Variants in SEC14L5 observed in about 807,000 individuals in gnomAD.
SEC14L5 encodes the protein SEC14 like lipid binding 5.
SEC14L5 carries 96 observed loss-of-function variants against 84.6 expected under a neutral mutation model. That is an observed-to-expected ratio of 1.13 (90% confidence interval 0.96 to 1.34). The LOEUF (loss-of-function observed/expected upper bound fraction) is 1.34, where lower values mean the gene tolerates loss of function less well. Among genes scored for constraint, SEC14L5 ranks in the 40% most tolerant of loss-of-function variants. SEC14L5 has a pLI of 0.00. For missense variants in SEC14L5, 1,224 were observed against 942.5 expected, an observed-to-expected ratio of 1.30 and a Z score of -3.91; for synonymous variants, 546 against 383.4, an observed-to-expected ratio of 1.42 and a Z score of -4.95.
chr16:4,971,674 C>G (rs150264005), intron 2 of SEC14L5, among the ~76,000 whole-genome samples: 4 of 152,296 alleles, frequency 2.6e-5, no homozygotes, highest in African/African-American at 7.2e-5. Flanking sequence ...CTGCTGATGT[C>G]CCCTGGGAGT....
intron 10 of SEC14L5, among the ~76,000 whole-genome samples, chr16:5,001,387 T>C (rs2142519855): frequency 6.6e-6 from 1 of 151,500 alleles, no homozygotes; most frequent in Middle Eastern, 3.4e-3. Context: ...GCCTCCAGAG[T>C]AGCTGGGACT....
chr16:5,006,259 G>A (rs1307984751), intron 12 of SEC14L5, among the ~76,000 whole-genome samples: 1 of 152,218 alleles, frequency 6.6e-6, no homozygotes, highest in Non-Finnish European at 1.5e-5. Context: ...CTGAGGTTGG[G>A]CCTTACTCTG....
Position 5,003,567 on chromosome 16 carries a change from G to C in SEC14L5, c.1296G>C (p.Trp432Cys). ...VRAPRVFPVL[W>C]TLISPFINEN... is the part of the protein sequence containing the mutation. ...CCCCCCGAGTCTTCCCCGTGCTCTG[G>C]ACACTGGTAAGAGCTGGAGCCTGGG... Residue 432 changes from tryptophan (W) to cysteine (C), a missense_variant, in exon 11 of 16, where the codon TGG becomes TGC. Transcript: ENST00000251170. 7.5e-7 allele frequency: 1 copy of C among 1,331,368 alleles called. No individual in the cohort carries two copies. Among genetic ancestry groups the C allele is most frequent in the South Asian group, 1.2e-5 (1 of 86,144 alleles). 82.5% of individuals were successfully genotyped at this position (1,331,368 alleles called of 1,614,324 possible). A position where few individuals can be genotyped will look rare whatever the true frequency, so the allele number is the denominator to read the frequency against.
intron 10 of SEC14L5, among the ~76,000 whole-genome samples, chr16:5,001,827 C>T (rs1955681458): frequency 6.6e-6 from 1 of 152,040 alleles, no homozygotes; most frequent in Non-Finnish European, 1.5e-5. Context: ...AGCTGGAGTG[C>T]AGTGGTGCAA....
chr16:5,007,275 C>A, intron 12 of SEC14L5, 77 bp from the exon 13 acceptor site: 1 of 1,428,392 alleles, frequency 7.0e-7, no homozygotes. Context: ...TTGGGGGTCA[C>A]ACATCACCCT....
intron 9 of SEC14L5, 43 bp downstream of exon 9, chr16:5,000,786 G>T (rs760098206): frequency 4.5e-6 from 7 of 1,559,604 alleles, no homozygotes; most frequent in South Asian, 2.4e-5. Flanking sequence ...CCTGGGGCCG[G>T]GCCTGGGAAG....
intron 11 of SEC14L5, among the ~76,000 whole-genome samples, chr16:5,005,610 C>G (rs552782592): frequency 1.8e-4 from 27 of 151,898 alleles, no homozygotes; most frequent in Non-Finnish European, 3.1e-4. Context: ...ACCTGTAATC[C>G]CAGCACTTTG....
intron 10 of SEC14L5, among the ~76,000 whole-genome samples, chr16:5,001,415 C>T (rs959871935): frequency 4.6e-5 from 7 of 152,084 alleles, no homozygotes; most frequent in African/African-American, 4.8e-5. Flanking sequence ...CCCGCCACCA[C>T]GCCTGACTAA....
intron 6 of SEC14L5, among the ~76,000 whole-genome samples, chr16:4,995,658 A>C (rs1596633548): frequency 4.9e-5 from 6 of 123,598 alleles, no homozygotes; most frequent in Admixed American, 9.8e-5. Flanking sequence ...ACGGAGTCTC[A>C]CTCTGTTGCC....
chr16:5,003,339 G>A (rs1237220424), intron 10 of SEC14L5, 63 bp from the exon 11 acceptor site: 2 of 1,300,124 alleles, frequency 1.5e-6, no homozygotes, highest in East Asian at 2.3e-5. Context: ...CCCCTGTGGG[G>A]AGGGTGTTGG....
intron 8 of SEC14L5, among the ~76,000 whole-genome samples, chr16:4,999,092 T>C (rs1217529848): frequency 6.6e-6 from 1 of 152,210 alleles, no homozygotes; most frequent in African/African-American, 2.4e-5. Context: ...TGCCACATTG[T>C]TGCATTTTTG....
chr16:4,987,759 G>A (rs1240343541), intron 3 of SEC14L5, 53 bp downstream of exon 3: 3 of 1,354,290 alleles, frequency 2.2e-6, no homozygotes, highest in Middle Eastern at 2.6e-4. Context: ...GCGGAGGTGC[G>A]GGAGGGCTGG....
chr16:4,992,856 A>T (rs950053094), intron 6 of SEC14L5, among the ~76,000 whole-genome samples: 1 of 152,172 alleles, frequency 6.6e-6, no homozygotes, highest in Non-Finnish European at 1.5e-5. Flanking sequence ...CCACACACAT[A>T]TGTGTGTACA....
chr16:4,961,802 A>AC (rs1955123794), intron 2 of SEC14L5, among the ~76,000 whole-genome samples: 1 of 152,158 alleles, frequency 6.6e-6, no homozygotes, highest in African/African-American at 2.4e-5. Context: ...ATGGCAGAGA[A>AC]CCATGGGTCC....
chr16:4,967,562 G>GTTTTT (rs869061549), intron 2 of SEC14L5, among the ~76,000 whole-genome samples: 10 of 37,104 alleles, frequency 2.7e-4, no homozygotes, highest in Non-Finnish European at 3.8e-4. Flanking sequence ...TCTTTCTTTC[G>GTTTTT]TTTTTTTTTT....
At chr16:5,007,523 G>C (rs763362435) in intron 13 of SEC14L5, 37 bp downstream of exon 13, 3 of 1,604,754 alleles carry the variant, frequency 1.9e-6, no homozygotes, top group Middle Eastern at 1.8e-4. Context: ...CGCTGAGCTG[G>C]AGTGTCTGTC....
chr16:4,960,792 C>T (rs967099279), intron 2 of SEC14L5: 10 of 152,160 alleles, frequency 6.6e-5, no homozygotes, highest in African/African-American at 1.9e-4. Flanking sequence ...ACGGGGCTGA[C>T]GCAGATCAAA....
At chr16:4,986,477 G>T (rs1955488455) in intron 2 of SEC14L5, among the ~76,000 whole-genome samples, 1 of 152,154 alleles carries the variant, frequency 6.6e-6, no homozygotes, top group Admixed American at 6.5e-5. Context: ...GGAAATATGA[G>T]TTCTCCAATT....
intron 2 of SEC14L5, among the ~76,000 whole-genome samples, chr16:4,969,900 C>G (rs1474287717): frequency 6.6e-6 from 1 of 151,762 alleles, no homozygotes; most frequent in Non-Finnish European, 1.5e-5. Flanking sequence ...TCACTGCAGC[C>G]TCAACCTTGC....
Sources: gnomAD v4.1 joint callset for allele counts (sites outside exome capture counted in the v4.1 genomes callset) on GRCh38, gnomAD v4.1.1 for gene constraint, MANE v1.5 for transcripts, NCBI Gene and HGNC (gene_info 2026-07-23, HGNC 2026-07-21) for gene names.